OPN4: variants seen among roughly 807,000 people sequenced by gnomAD.
The protein encoded by OPN4 is opsin 4.
Under a neutral mutation model 49.5 loss-of-function variants are expected in OPN4, and 43 were observed. That is an observed-to-expected ratio of 0.87 (90% CI 0.68 to 1.12). The LOEUF is 1.12. Ranked by LOEUF, OPN4 falls within the 50% of genes most tolerant of loss-of-function variation. The pLI, the probability that OPN4 is intolerant of heterozygous loss-of-function variation, is 0.00. For synonymous variants in OPN4, 263 were observed against 258.0 expected (o/e 1.02, Z -0.19); for missense variants, 657 against 643.9 (o/e 1.02, Z -0.22).
chr10:86,656,198 T>C lies in OPN4; in HGVS notation c.188T>C (p.Val63Ala), dbSNP rs1286165021. ...WAAAWVPLPT[V>A]DVPDHAHYTL... ...GCTGCCTGGGTCCCCCTCCCCACGG[T>C]TGATGTTCCAGACCATGCCCACTAT... is the stretch of plus-strand genomic sequence containing the variant. The change falls in exon 2 of 10, where the codon GTT (valine) becomes GCT (alanine). Residue 63 changes from valine to alanine, a missense_variant. Coordinates refer to ENST00000241891, the MANE Select transcript of OPN4 (RefSeq NM_033282.4). 1.9e-6 allele frequency: 3 copies of C among 1,614,124 alleles called. No individual in the cohort carries two copies. The highest frequency in any genetic ancestry group is 8.5e-7 in the Non-Finnish European group (1 of 1,180,012).
chr10:86,661,303 T>C lies in OPN4; in HGVS notation c.988T>C (p.Tyr330His), dbSNP rs1844000147. The change falls in exon 7 of 10, where the codon TAC becomes CAC. Residue 330 changes from tyrosine to histidine, a missense_variant. Physicochemically the swap from Tyr to His is moderately conservative, Grantham distance 83. Transcript: ENST00000241891. ...TAGGTACGCACACGTCCTGACACCC[T>C]ACATGAGCTCGGTGCCAGCCGTCAT... is the stretch of plus-strand genomic sequence containing the variant. ...FAGYAHVLTP[Y>H]MSSVPAVIAK... 1.2e-6 allele frequency: 2 copies of C among 1,613,872 alleles called. No individual in the cohort carries two copies. The highest frequency in any genetic ancestry group is 1.7e-5 in the Admixed American group (1 of 59,992).
chr10:86,665,601 C>T (rs1844143876), intron 9 of OPN4, 112 bp from the exon 10 acceptor site: 1 of 866,386 alleles, frequency 1.2e-6, no homozygotes, highest in Non-Finnish European at 1.9e-6. Flanking sequence ...CAACCTGGCC[C>T]TTCCATGCAA....
At chr10:86,661,974 C>T (rs912540485) in intron 7 of OPN4, among the ~76,000 whole-genome samples, 2 of 152,162 alleles carry the variant, frequency 1.3e-5, no homozygotes, top group African/African-American at 4.8e-5. Context: ...GAGCCAGCCA[C>T]TGAGGGCTGG....
intron 9 of OPN4, among the ~76,000 whole-genome samples, chr10:86,664,754 G>A (rs1337739418): frequency 2.6e-5 from 4 of 152,180 alleles, no homozygotes; most frequent in Non-Finnish European, 5.9e-5. Flanking sequence ...CCCCCCGGGG[G>A]CCCCGCACCC....
rs894266693 is a variant in OPN4 at position 86,654,585 on chromosome 10, T to C, written c.-199T>C. Reference sequence around the variant, plus strand: ...ACTGCGACACTCACTCATTTGCGCTTCACCAGACACAGAGCAACCGCCAGC... The same window carrying C: ...ACTGCGACACTCACTCATTTGCGCTCCACCAGACACAGAGCAACCGCCAGC... On this transcript the variant is annotated 5_prime_UTR_variant, in exon 1 of 10. Coordinates refer to ENST00000241891, the MANE Select transcript of OPN4 (RefSeq NM_033282.4). The C allele has an allele frequency of 1.6e-6, 1 of 617,262 alleles. No homozygotes were observed. Among genetic ancestry groups the C allele is most frequent in the Non-Finnish European group, 2.7e-6 (1 of 364,618 alleles). The allele number at this position is 617,262 out of a possible 1,614,324, so 38.2% of individuals were successfully genotyped here.
At chr10:86,661,476 G>A (rs927368371) in intron 7 of OPN4, 88 bp downstream of exon 7, 13 of 961,458 alleles carry the variant, frequency 1.4e-5, no homozygotes, top group Admixed American at 1.1e-4. Context: ...TCTGTCTCTC[G>A]TGTGTGTGTA....
At position 86,659,898 on chromosome 10, in the gene OPN4, T is replaced by G; in HGVS notation, c.804T>G (p.Ala268=). 1 of 1,614,104 alleles carries G rather than the reference T, an allele frequency of 6.2e-7. No homozygotes were observed. Among genetic ancestry groups the G allele is most frequent in the Non-Finnish European group, 8.5e-7 (1 of 1,180,000 alleles). ...CTGGACGATGCGTCCTTCCTAGGGC[T>G]CTCCAGACCTTCGGGGCCTGCAAGG... ...IFRAIRETGR[A]LQTFGACKGN... is the part of the protein sequence containing the mutation. The change falls in exon 6 of 10, where the codon GCT becomes GCG. Residue 268 remains alanine, a synonymous_variant. Transcript: ENST00000241891.
chr10:86,663,375 C>CCAA (rs1564622370), intron 8 of OPN4, among the ~76,000 whole-genome samples: 2 of 152,208 alleles, frequency 1.3e-5, no homozygotes, highest in Non-Finnish European at 2.9e-5. Flanking sequence ...CCTAGACCCT[C>CCAA]GTGAAGACCA....
chr10:86,660,023 C>A lies in OPN4; in HGVS notation c.929C>A (p.Ala310Asp), dbSNP rs1196475452. 1 of 1,614,094 alleles carries A rather than the reference C, an allele frequency of 6.2e-7. No homozygotes were observed. The highest frequency in any genetic ancestry group is 1.1e-5 in the South Asian group (1 of 91,082). ...ATCCTCCTCTTCGTGCTCTCCTGGG[C>A]TCCCTATTCCGCTGTGGCCCTGGTG... is the stretch of plus-strand genomic sequence containing the variant. Reference protein sequence around the residue: ...LVILLFVLSWAPYSAVALVAF... With the variant: ...LVILLFVLSWDPYSAVALVAF... The change falls in exon 6 of 10, where the codon GCT becomes GAT. Residue 310 changes from alanine (A) to aspartate (D), a missense_variant. Transcript: ENST00000241891.
intron 3 of OPN4, 51 bp from the exon 4 acceptor site, chr10:86,658,433 C>T (rs1164689081): frequency 6.3e-7 from 1 of 1,585,532 alleles, no homozygotes; most frequent in South Asian, 1.1e-5. Flanking sequence ...AGAGTCTACC[C>T]TGTCCCCAGA....
At chr10:86,655,310 C>T (rs569906097) in intron 1 of OPN4, among the ~76,000 whole-genome samples, 4 of 152,174 alleles carry the variant, frequency 2.6e-5, no homozygotes, top group Admixed American at 1.3e-4. Context: ...CCTTGGGTGC[C>T]TTCTGCCACC....
rs991000251 is a variant in OPN4 at position 86,658,149 on chromosome 10, G to C, written c.408G>C (p.Trp136Cys). The C allele has an allele frequency of 5.0e-6, 8 of 1,613,722 alleles. No homozygotes were observed. The Admixed American group carries it at 1.0e-4, about 20-fold the overall frequency. Residue 136 changes from tryptophan (W) to cysteine (C), a missense_variant, in exon 3 of 10, where the codon TGG becomes TGC. By Grantham distance (215) the Trp-to-Cys change is radical. Coordinates refer to ENST00000241891, the MANE Select transcript of OPN4 (RefSeq NM_033282.4). ...VFFTSSLYKQ[W>C]LFGETGCEFY... ...TCACCAGTAGCCTCTATAAGCAGTG[G>C]CTCTTTGGGGAGACAGGTAGATGCT...
Position 86,658,582 on chromosome 10 carries a change from C to T in OPN4, c.523C>T (p.Pro175Ser). 1 of 1,614,212 alleles carries T rather than the reference C, an allele frequency of 6.2e-7. No homozygotes were observed. Residue 175 changes from proline to serine, a missense_variant, in exon 4 of 10, where the codon CCG becomes TCG. Transcript: ENST00000241891. ...ALDRYLVITR[P>S]LATFGVASKR... ...GGACCGCTACCTGGTAATCACACGC[C>T]CGCTGGCCACCTTTGGTGTGGCGTC...
Position 86,658,575 on chromosome 10 carries a change from C to A in OPN4, c.516C>A (p.Ile172=), listed in dbSNP as rs1325610514. ...TCGCCCTGGACCGCTACCTGGTAAT[C>A]ACACGCCCGCTGGCCACCTTTGGTG... is the stretch of plus-strand genomic sequence containing the variant. ...TAIALDRYLV[I]TRPLATFGVA... is the part of the protein sequence containing the mutation. Residue 172 remains isoleucine (I), a synonymous_variant, in exon 4 of 10, where the codon ATC becomes ATA. Transcript: ENST00000241891. 6.2e-7 allele frequency: 1 copy of A among 1,614,208 alleles called. No homozygotes were observed.
At position 86,658,516 on chromosome 10, in the gene OPN4, T is replaced by G; in HGVS notation, c.457T>G (p.Phe153Val). ...CEFYAFCGAL[F>V]GISSMITLTA... ...GTTCTATGCCTTCTGTGGAGCTCTC[T>G]TTGGCATTTCCTCCATGATCACCCT... The change falls in exon 4 of 10, where the codon TTT (phenylalanine) becomes GTT (valine). Residue 153 changes from phenylalanine (F) to valine (V), a missense_variant. Phe to Val is a conservative substitution (Grantham distance 50). Coordinates refer to ENST00000241891, the MANE Select transcript of OPN4 (RefSeq NM_033282.4). 6.2e-7 allele frequency: 1 copy of G among 1,614,212 alleles called. No homozygotes were observed. The highest frequency in any genetic ancestry group is 8.5e-7 in the Non-Finnish European group (1 of 1,180,038).
chr10:86,659,331 C>T lies in OPN4; in HGVS notation c.663C>T (p.Cys221=), dbSNP rs1843945597. 5 of 1,613,588 alleles carry T rather than the reference C, an allele frequency of 3.1e-6. No individual in the cohort carries two copies. Among genetic ancestry groups the T allele is most frequent in the Non-Finnish European group, 3.4e-6 (4 of 1,179,976 alleles). Residue 221 remains cysteine (C), a synonymous_variant, in exon 5 of 10, where the codon TGC becomes TGT. Coordinates refer to ENST00000241891, the MANE Select transcript of OPN4 (RefSeq NM_033282.4). ...TGCCCGAGGGGTTGCTGACATCCTG[C>T]TCCTGGGACTACATGAGCTTCACGC... ...AYVPEGLLTS[C]SWDYMSFTPA...
intron 5 of OPN4, 98 bp downstream of exon 5, chr10:86,659,566 G>A: frequency 2.0e-6 from 3 of 1,475,246 alleles, no homozygotes; most frequent in African/African-American, 1.4e-5. Context: ...GCCTACCAGA[G>A]CATGACCAGT....
At chr10:86,655,921 C>T (rs1843850534) in intron 1 of OPN4, among the ~76,000 whole-genome samples, 1 of 152,184 alleles carries the variant, frequency 6.6e-6, no homozygotes, top group Non-Finnish European at 1.5e-5. Context: ...GTGATCTGAG[C>T]CCACTCCTAG....
intron 6 of OPN4, 37 bp from the exon 7 acceptor site, chr10:86,661,244 G>A (rs1843997820): frequency 6.4e-7 from 1 of 1,552,020 alleles, no homozygotes; most frequent in Non-Finnish European, 8.9e-7. Context: ...TGTCAGGAGG[G>A]CCAGCTAGCT....
Sources: gnomAD v4.1 joint callset for allele counts (sites outside exome capture counted in the v4.1 genomes callset) on GRCh38, gnomAD v4.1.1 for gene constraint, MANE v1.5 for transcripts, NCBI Gene and HGNC (gene_info 2026-07-23, HGNC 2026-07-21) for gene names.